ROCK2: variants seen among roughly 807,000 people sequenced by gnomAD.
ROCK2 encodes the protein rho-associated protein kinase 2.
In ROCK2, 61 loss-of-function variants were observed where a neutral mutation model predicts 195.1. The ratio of observed to expected loss-of-function variants is 0.31; its 90% CI spans 0.25 to 0.39. ROCK2 has a LOEUF of 0.39. Ranked by LOEUF, ROCK2 falls within the 10% of genes least tolerant of loss-of-function variation. The pLI is 1.00. For synonymous variants in ROCK2, 504 were observed against 545.5 expected, an observed-to-expected ratio of 0.92 and a Z score of 1.06; for missense variants, 1,109 against 1,637.4, an observed-to-expected ratio of 0.68 and a Z score of 5.57.
intron 3 of ROCK2, among the ~76,000 whole-genome samples, chr2:11,275,907 C>T (rs544513828): frequency 6.6e-6 from 1 of 152,164 alleles, no homozygotes; most frequent in Non-Finnish European, 1.5e-5. Context: ...ACCATGTTGA[C>T]CTGGCTGGTC....
At chr2:11,256,287 T>C (rs1053993349) in intron 3 of ROCK2, among the ~76,000 whole-genome samples, 1 of 151,244 alleles carries the variant, frequency 6.6e-6, no homozygotes, top group South Asian at 2.1e-4. Flanking sequence ...GGGGAGGGAC[T>C]TCCCCCTTGT....
At chr2:11,203,850 G>A (rs113378849) in intron 20 of ROCK2, among the ~76,000 whole-genome samples, 2,105 of 152,236 alleles carry the variant, frequency 0.014, 41 homozygotes, top group African/African-American at 0.047. Flanking sequence ...AAAACTGTCC[G>A]ATCACTGTCA....
chr2:11,313,161 T>C (rs1558384372), intron 1 of ROCK2, among the ~76,000 whole-genome samples: 1 of 152,118 alleles, frequency 6.6e-6, no homozygotes, highest in Non-Finnish European at 1.5e-5. Flanking sequence ...GTTCATTAAC[T>C]GTATGTAACA....
chr2:11,260,755 T>G (rs1323162050), intron 3 of ROCK2, among the ~76,000 whole-genome samples: 1 of 152,158 alleles, frequency 6.6e-6, no homozygotes, highest in East Asian at 1.9e-4. Context: ...CATTTACATA[T>G]GAGATAACTA....
At chr2:11,337,463 C>T (rs757116395) in intron 1 of ROCK2, among the ~76,000 whole-genome samples, 1 of 151,908 alleles carries the variant, frequency 6.6e-6, no homozygotes, top group Non-Finnish European at 1.5e-5. Context: ...ATAAATGGCC[C>T]GTAAGTGCAA....
rs1465564430 is a variant in ROCK2 at position 11,182,230 on chromosome 2, C to G, written c.*1207G>C. 1 of 152,188 alleles carries G rather than the reference C, an allele frequency of 6.6e-6. No homozygotes were observed. The highest frequency in any genetic ancestry group is 2.4e-5 in the African/African-American group (1 of 41,452). The allele number at this position is 152,188 out of a possible 1,614,324, so 9.4% of individuals were successfully genotyped here. The stretch of plus-strand genomic sequence containing the variant: ...AACCCGGTACTAAAATACTGCCACA[C>G]ACAGCTGCATGTCTGAGGATCATAT... On this transcript the variant is annotated 3_prime_UTR_variant, in exon 33 of 33. Coordinates refer to ENST00000315872, the MANE Select transcript of ROCK2 (RefSeq NM_004850.5).
At chr2:11,303,091 T>TA (rs1667756460) in intron 1 of ROCK2, among the ~76,000 whole-genome samples, 1 of 152,210 alleles carries the variant, frequency 6.6e-6, no homozygotes, top group South Asian at 2.1e-4. Context: ...ATTAAAAAGT[T>TA]AAAGTTCTTC....
intron 3 of ROCK2, among the ~76,000 whole-genome samples, chr2:11,267,797 C>T (rs564874844): frequency 6.6e-6 from 1 of 151,478 alleles, no homozygotes; most frequent in South Asian, 2.1e-4. Flanking sequence ...AGGTGCACGC[C>T]ACCAAGCCCG....
rs750939949 is a variant in ROCK2, at chr2:11,215,291, G to C, written c.1689+30C>G. 3.9e-6 allele frequency: 6 copies of C among 1,520,288 alleles called. No individual in the cohort carries two copies. In the African/African-American group the frequency reaches 8.4e-5, roughly 21 times the overall value. 94.2% of individuals were successfully genotyped at this position (1,520,288 alleles called of 1,614,324 possible). A position where few individuals can be genotyped will look rare whatever the true frequency, so the allele number is the denominator to read the frequency against. On this transcript the variant is annotated intron_variant, in intron 15 of 32. Transcript: ENST00000315872. ...GTTATCGCGTTAAAAATAAAACCCA[G>C]TATCTTTACTACAAATTAGATCCAC... is the stretch of plus-strand genomic sequence containing the variant.
chr2:11,333,666 C>T (rs1259133280), intron 1 of ROCK2, among the ~76,000 whole-genome samples: 1 of 152,172 alleles, frequency 6.6e-6, no homozygotes, highest in African/African-American at 2.4e-5. Flanking sequence ...AAAAAAATCT[C>T]ATGCCCTTTA....
rs563145471 is a variant in ROCK2 at position 11,182,072 on chromosome 2, A to G, written c.*1365T>C. 2 of 152,300 alleles carry G rather than the reference A, an allele frequency of 1.3e-5. No homozygotes were observed. 9.4% of individuals were successfully genotyped at this position (152,300 alleles called of 1,614,324 possible). Reference sequence around the variant, plus strand: ...ATTGCTGCATATTGTTGCAGTATAAAACACACACTTATCTGGGATCATGAG... The same window carrying G: ...ATTGCTGCATATTGTTGCAGTATAAGACACACACTTATCTGGGATCATGAG... On this transcript the variant is annotated 3_prime_UTR_variant, in exon 33 of 33. Transcript: ENST00000315872.
At chr2:11,316,680 C>G (rs72789536) in intron 1 of ROCK2, among the ~76,000 whole-genome samples, 6,473 of 152,146 alleles carry the variant, frequency 0.043, 281 homozygotes, top group Non-Finnish European at 0.06. Context: ...TAACAGATTA[C>G]AAAAAGTAAA....
At chr2:11,216,735 G>T (rs551673689) in intron 12 of ROCK2, among the ~76,000 whole-genome samples, 111 of 143,814 alleles carry the variant, frequency 7.7e-4, no homozygotes, top group Non-Finnish European at 1.2e-3. Context: ...TTTTTCTTTT[G>T]TTTCTTTGAG....
At chr2:11,263,924 A>G (rs1166633300) in intron 3 of ROCK2, among the ~76,000 whole-genome samples, 1 of 151,790 alleles carries the variant, frequency 6.6e-6, no homozygotes, top group Admixed American at 6.6e-5. Context: ...CAGATGTAGA[A>G]TTCCCATTTT....
At chr2:11,211,559 TC>T (rs1232795606) in intron 18 of ROCK2, 121 bp downstream of exon 18, 1 of 883,382 alleles carries the variant, frequency 1.1e-6, no homozygotes, top group East Asian at 2.6e-5. Flanking sequence ...ATAGTTTTTT[TC>T]CCTCCAATTC....
At chr2:11,237,974 A>G (rs993964146) in intron 4 of ROCK2, among the ~76,000 whole-genome samples, 2 of 152,168 alleles carry the variant, frequency 1.3e-5, no homozygotes, top group African/African-American at 2.4e-5. Flanking sequence ...GCTAATCGGG[A>G]GGCTGAGGTG....
At chr2:11,238,579 G>A (rs1665308992) in intron 4 of ROCK2, among the ~76,000 whole-genome samples, 1 of 152,164 alleles carries the variant, frequency 6.6e-6, no homozygotes, top group South Asian at 2.1e-4. Flanking sequence ...CAGGCACGGT[G>A]GCTCACGCCG....
At chr2:11,302,052 T>C (rs1204098145) in intron 1 of ROCK2, among the ~76,000 whole-genome samples, 2 of 152,118 alleles carry the variant, frequency 1.3e-5, no homozygotes, top group Admixed American at 6.5e-5. Context: ...GTGATCCACC[T>C]GCCTTGGCCT....
At chr2:11,207,041 C>G (rs1664077969) in intron 20 of ROCK2, among the ~76,000 whole-genome samples, 1 of 152,168 alleles carries the variant, frequency 6.6e-6, no homozygotes, top group African/African-American at 2.4e-5. Context: ...AATTCTCCTA[C>G]TAATAGAATA....
Sources: gnomAD v4.1 joint callset for allele counts (sites outside exome capture counted in the v4.1 genomes callset) on GRCh38, gnomAD v4.1.1 for gene constraint, MANE v1.5 for transcripts, NCBI Gene and HGNC (gene_info 2026-07-23, HGNC 2026-07-21) for gene names.